Variants in ZNF385B observed in about 807,000 individuals in gnomAD.
The protein encoded by ZNF385B is zinc finger protein 533.
A neutral mutation model predicts 39.2 loss-of-function variants in ZNF385B; 23 were observed. The observed-to-expected ratio is 0.59, with a 90% CI of 0.42 to 0.83. The LOEUF is 0.83. Ranked by LOEUF, ZNF385B falls within the 40% of genes least tolerant of loss-of-function variation. The probability of loss-of-function intolerance (pLI) is 0.00; values close to 1 mark genes in which losing one functional copy is unlikely to be tolerated. For missense variants in ZNF385B, 552 were observed against 598.9 expected, an observed-to-expected ratio of 0.92 and a Z score of 0.82; for synonymous variants, 205 against 222.6, an observed-to-expected ratio of 0.92 and a Z score of 0.70.
intron 5 of ZNF385B, among the ~76,000 whole-genome samples, chr2:179,509,748 T>C (rs531207081): frequency 1.3e-5 from 2 of 152,342 alleles, no homozygotes; most frequent in East Asian, 1.9e-4. Context: ...ACAGAATCAG[T>C]TGGTTTTTTC....
At chr2:179,719,941 T>G (rs756407392) in intron 3 of ZNF385B, among the ~76,000 whole-genome samples, 27 of 152,216 alleles carry the variant, frequency 1.8e-4, no homozygotes, top group Non-Finnish European at 3.4e-4. Context: ...GAGGTTATGT[T>G]TTCTTCAACA....
At chr2:179,847,840 G>A (rs1275777177) in intron 1 of ZNF385B, among the ~76,000 whole-genome samples, 1 of 152,168 alleles carries the variant, frequency 6.6e-6, no homozygotes, top group Non-Finnish European at 1.5e-5. Context: ...TTGCACCTAC[G>A]TATGTGGTCC....
At chr2:179,639,167 G>T (rs745923594) in intron 3 of ZNF385B, among the ~76,000 whole-genome samples, 4 of 145,446 alleles carry the variant, frequency 2.8e-5, no homozygotes, top group Non-Finnish European at 6.0e-5. Flanking sequence ...GGTTAAGGCC[G>T]CAGTGAGCCA....
At chr2:179,805,348 T>A (rs1486793636) in intron 1 of ZNF385B, among the ~76,000 whole-genome samples, 1 of 152,176 alleles carries the variant, frequency 6.6e-6, no homozygotes, top group Non-Finnish European at 1.5e-5. Context: ...GCTCAATAGA[T>A]TTTAGCCCAT....
At chr2:179,509,811 T>C (rs1473613620) in intron 5 of ZNF385B, among the ~76,000 whole-genome samples, 1 of 152,250 alleles carries the variant, frequency 6.6e-6, no homozygotes, top group East Asian at 1.9e-4. Flanking sequence ...GAACAGCAGA[T>C]GTAAACTTTG....
intron 3 of ZNF385B, among the ~76,000 whole-genome samples, chr2:179,606,203 G>C (rs1558971962): frequency 6.6e-6 from 1 of 152,102 alleles, no homozygotes; most frequent in Non-Finnish European, 1.5e-5. Context: ...GGTTCTGCTA[G>C]TTGTGCAGTA....
At chr2:179,486,828 A>G (rs2054620447) in intron 5 of ZNF385B, among the ~76,000 whole-genome samples, 1 of 152,168 alleles carries the variant, frequency 6.6e-6, no homozygotes, top group Non-Finnish European at 1.5e-5. Context: ...AGGTGGGTGG[A>G]TCACTTGAGC....
intron 3 of ZNF385B, among the ~76,000 whole-genome samples, chr2:179,618,377 T>C (rs564195114): frequency 2.8e-4 from 42 of 152,250 alleles, no homozygotes; most frequent in Middle Eastern, 3.4e-3. Context: ...CCCCCAGCCT[T>C]AAATGTCACT....
At chr2:179,726,652 A>G (rs1182390369) in intron 3 of ZNF385B, among the ~76,000 whole-genome samples, 1 of 152,178 alleles carries the variant, frequency 6.6e-6, no homozygotes, top group East Asian at 1.9e-4. Context: ...GGCTTTCTAC[A>G]TCATTTCACA....
At chr2:179,793,939 A>G (rs773583644) in intron 1 of ZNF385B, among the ~76,000 whole-genome samples, 6 of 152,246 alleles carry the variant, frequency 3.9e-5, no homozygotes, top group Non-Finnish European at 7.3e-5. Context: ...CCATTATGTC[A>G]ATGTTAGCTA....
chr2:179,655,367 T>C (rs1447430043), intron 3 of ZNF385B, among the ~76,000 whole-genome samples: 2 of 152,096 alleles, frequency 1.3e-5, no homozygotes, highest in Non-Finnish European at 2.9e-5. Flanking sequence ...AAATATATCA[T>C]ACATATCAAA....
intron 7 of ZNF385B, among the ~76,000 whole-genome samples, chr2:179,446,132 G>A (rs945228625): frequency 5.3e-5 from 8 of 152,054 alleles, no homozygotes; most frequent in Admixed American, 2.6e-4. Context: ...TTTAATGGCT[G>A]ATTAACATGT....
At chr2:179,631,276 T>C (rs1195409674) in intron 3 of ZNF385B, among the ~76,000 whole-genome samples, 1 of 152,004 alleles carries the variant, frequency 6.6e-6, no homozygotes, top group Non-Finnish European at 1.5e-5. Context: ...GAGAGAAAGG[T>C]CAAATTACCT....
intron 1 of ZNF385B, among the ~76,000 whole-genome samples, chr2:179,851,473 G>A (rs748426324): frequency 5.3e-5 from 8 of 152,084 alleles, no homozygotes; most frequent in Non-Finnish European, 1.0e-4. Context: ...AGAAAAGAAA[G>A]CTGACATCTA....
intron 1 of ZNF385B, among the ~76,000 whole-genome samples, chr2:179,835,737 G>A (rs1268210761): frequency 6.6e-6 from 1 of 151,988 alleles, no homozygotes; most frequent in Non-Finnish European, 1.5e-5. Flanking sequence ...TGCTTGGGAA[G>A]TTCTGCCTCT....
At chr2:179,807,933 G>GAAAGAAAGAAA (rs1553538065) in intron 1 of ZNF385B, among the ~76,000 whole-genome samples, 149 of 97,736 alleles carry the variant, frequency 1.5e-3, no homozygotes, top group African/African-American at 3.4e-3. Context: ...AAAGAAAGAA[G>GAAAGAAAGAAA]GAAGGAAGGA....
chr2:179,502,614 CA>C (rs2056867071), intron 5 of ZNF385B, among the ~76,000 whole-genome samples: 1 of 152,062 alleles, frequency 6.6e-6, no homozygotes, highest in Admixed American at 6.6e-5. Context: ...GAGGCCTCCC[CA>C]GAAGCAGAAG....
intron 3 of ZNF385B, among the ~76,000 whole-genome samples, chr2:179,589,781 A>G (rs527960130): frequency 6.6e-6 from 1 of 152,316 alleles, no homozygotes; most frequent in South Asian, 2.1e-4. Context: ...GTTTGTGAAA[A>G]GTCCCACTGT....
intron 1 of ZNF385B, among the ~76,000 whole-genome samples, chr2:179,858,261 C>G (rs745811890): frequency 1.3e-5 from 2 of 152,110 alleles, no homozygotes; most frequent in South Asian, 2.1e-4. Context: ...TCATCAGTGA[C>G]TAGGAGAAAT....
Sources: allele counts gnomAD v4.1 joint callset (sites outside exome capture counted in the v4.1 genomes callset), GRCh38; gene constraint gnomAD v4.1.1; transcripts MANE v1.5; gene names NCBI Gene and HGNC (gene_info 2026-07-23, HGNC 2026-07-21).